NTM: variants seen among roughly 807,000 people sequenced by gnomAD.
NTM encodes the protein neurotrimin, also known as IgLON family member 2.
Under a neutral mutation model 42.1 loss-of-function variants are expected in NTM, and 13 were observed. That is an observed-to-expected ratio of 0.31 (90% CI 0.20 to 0.49). The LOEUF (loss-of-function observed/expected upper bound fraction) is 0.49. NTM is among the 20% of genes least tolerant of loss of function. The pLI is 0.99. For missense variants in NTM, 373 were observed against 452.8 expected (o/e 0.82, Z 1.60); for synonymous variants, 187 against 179.2 (o/e 1.04, Z -0.35).
At chr11:132,075,943 A>G (rs2058306271) in intron 2 of NTM, among the ~76,000 whole-genome samples, 1 of 152,216 alleles carries the variant, frequency 6.6e-6, no homozygotes, top group African/African-American at 2.4e-5. Context: ...TACCTGAACT[A>G]AGGTAAATGT....
intron 1 of NTM, among the ~76,000 whole-genome samples, chr11:131,497,152 C>T (rs1955432593): frequency 1.3e-5 from 2 of 152,284 alleles, no homozygotes; most frequent in Admixed American, 1.3e-4. Context: ...ATCCGTGCCC[C>T]TAGCCCTCAA....
intron 1 of NTM, among the ~76,000 whole-genome samples, chr11:131,760,452 T>C (rs373207975): frequency 2.0e-5 from 3 of 152,222 alleles, no homozygotes; most frequent in African/African-American, 7.2e-5. Context: ...TCCGATATGC[T>C]GGTTCATCAG....
chr11:131,796,102 A>C, intron 1 of NTM: 1 of 985,374 alleles, frequency 1.0e-6, no homozygotes, highest in Non-Finnish European at 1.2e-6. Flanking sequence ...TTCCCGGGGG[A>C]AATCTAGGGA....
At chr11:132,199,448 T>C (rs993132131) in intron 3 of NTM, among the ~76,000 whole-genome samples, 3 of 152,230 alleles carry the variant, frequency 2.0e-5, no homozygotes, top group African/African-American at 7.2e-5. Flanking sequence ...AAATGAACGC[T>C]GTTCAGTGGC....
chr11:131,523,005 C>T (rs1254018542), intron 1 of NTM, among the ~76,000 whole-genome samples: 1 of 152,180 alleles, frequency 6.6e-6, no homozygotes, highest in African/African-American at 2.4e-5. Context: ...GAAAACAGTT[C>T]CTGACCACAC....
At chr11:131,449,540 A>C (rs147479945) in intron 1 of NTM, among the ~76,000 whole-genome samples, 107 of 152,262 alleles carry the variant, frequency 7.0e-4, no homozygotes, top group Middle Eastern at 6.8e-3. Context: ...TGCTGTAGGG[A>C]GGAGAGTGCC....
intron 4 of NTM, among the ~76,000 whole-genome samples, chr11:132,293,594 G>T (rs780286324): frequency 2.0e-5 from 3 of 152,112 alleles, no homozygotes; most frequent in Non-Finnish European, 2.9e-5. Context: ...AGATTTACGC[G>T]TCTACAGGAG....
At chr11:132,072,414 A>C (rs911046961) in intron 2 of NTM, among the ~76,000 whole-genome samples, 1 of 152,206 alleles carries the variant, frequency 6.6e-6, no homozygotes, top group Non-Finnish European at 1.5e-5. Context: ...TCTCAAACAC[A>C]TATGTGTGCA....
At chr11:132,240,755 A>T (rs2090054666) in intron 4 of NTM, among the ~76,000 whole-genome samples, 1 of 152,232 alleles carries the variant, frequency 6.6e-6, no homozygotes, top group African/African-American at 2.4e-5. Flanking sequence ...ATAGAGAAAA[A>T]AATTCTAAAC....
intron 1 of NTM, among the ~76,000 whole-genome samples, chr11:131,727,891 C>T (rs368497429): frequency 5.9e-5 from 9 of 152,240 alleles, no homozygotes; most frequent in South Asian, 2.1e-4. Context: ...ATATAGCATG[C>T]GTTAAATCCT....
intron 2 of NTM, among the ~76,000 whole-genome samples, chr11:132,126,247 T>C (rs1194667938): frequency 2.6e-5 from 4 of 152,144 alleles, no homozygotes; most frequent in African/African-American, 9.7e-5. Flanking sequence ...AGGGAGATAC[T>C]GTTTCTCTCC....
intron 2 of NTM, among the ~76,000 whole-genome samples, chr11:132,139,275 A>G (rs888363694): frequency 2.0e-5 from 3 of 152,198 alleles, no homozygotes; most frequent in South Asian, 4.1e-4. Flanking sequence ...ACCTTTTGCT[A>G]GAGTTTAGAA....
intron 1 of NTM, among the ~76,000 whole-genome samples, chr11:131,485,967 A>G (rs1178061843): frequency 3.9e-5 from 6 of 152,154 alleles, no homozygotes; most frequent in Admixed American, 3.9e-4. Context: ...TTCTTTGAGC[A>G]TGCTATAGCC....
intron 1 of NTM, among the ~76,000 whole-genome samples, chr11:131,698,920 C>G (rs1475821988): frequency 1.3e-5 from 2 of 152,138 alleles, no homozygotes; most frequent in Admixed American, 6.5e-5. Context: ...TCTAACTTAC[C>G]TTGATATTGG....
At chr11:131,455,475 C>T (rs553679258) in intron 1 of NTM, 3 of 152,308 alleles carry the variant, frequency 2.0e-5, no homozygotes, top group African/African-American at 7.2e-5. Flanking sequence ...TAAGTTTTAT[C>T]ATTTTCTCAA....
intron 1 of NTM, chr11:131,795,835 C>A (rs549548943): frequency 5.1e-6 from 5 of 985,336 alleles, no homozygotes; most frequent in Admixed American, 6.1e-5. Context: ...AATGCCTGCA[C>A]CATGGCAAGA....
chr11:131,544,889 A>G (rs2053726635), intron 1 of NTM, among the ~76,000 whole-genome samples: 1 of 152,210 alleles, frequency 6.6e-6, no homozygotes, highest in African/African-American at 2.4e-5. Context: ...GGTTTGAGGA[A>G]TAGGACAGGC....
intron 1 of NTM, among the ~76,000 whole-genome samples, chr11:131,857,554 G>A (rs144284069): frequency 1.3e-4 from 20 of 152,212 alleles, no homozygotes; most frequent in East Asian, 7.7e-4. Context: ...TTCTCTTTGC[G>A]TGTTCACACG....
At chr11:131,443,134 A>G (rs545329751) in intron 1 of NTM, among the ~76,000 whole-genome samples, 1 of 152,250 alleles carries the variant, frequency 6.6e-6, no homozygotes, top group African/African-American at 2.4e-5. Flanking sequence ...AATACACAGT[A>G]CGTGTGGTGA....
Sources: allele counts gnomAD v4.1 joint callset (sites outside exome capture counted in the v4.1 genomes callset), GRCh38; gene constraint gnomAD v4.1.1; transcripts MANE v1.5; gene names NCBI Gene and HGNC (gene_info 2026-07-23, HGNC 2026-07-21).